Variants in GABBR2 observed in about 807,000 individuals in gnomAD.
The protein encoded by GABBR2 is G-protein coupled receptor 51.
GABBR2 carries 23 observed loss-of-function variants against 105.6 expected under a neutral mutation model. That is an observed-to-expected ratio of 0.22 (90% CI 0.16 to 0.31). GABBR2 has a LOEUF of 0.31. Ranked by LOEUF, GABBR2 falls within the 10% of genes least tolerant of loss-of-function variation. The pLI, the probability that GABBR2 is intolerant of heterozygous loss-of-function variation, is 1.00. For synonymous variants in GABBR2, 478 were observed against 499.7 expected (o/e 0.96, Z 0.58); for missense variants, 734 against 1,245.5 (o/e 0.59, Z 6.18).
chr9:98,474,468 C>T (rs921327944), intron 5 of GABBR2, among the ~76,000 whole-genome samples: 22 of 152,006 alleles, frequency 1.4e-4, no homozygotes, highest in Admixed American at 5.9e-4. Context: ...GTCATGTACC[C>T]GTAAGTAAAC....
In GABBR2 at chr9:98,454,750, G is replaced by A. The variant is rs1301976694; in HGVS notation, c.1000-533C>T. Among the ~76,000 whole-genome samples, 3 of 152,054 alleles carry A rather than the reference G, an allele frequency of 2.0e-5. No individual in the cohort carries two copies. The highest frequency in any genetic ancestry group is 7.2e-5 in the African/African-American group (3 of 41,382). On this transcript the variant is annotated intron_variant, in intron 6 of 18. Transcript: ENST00000259455. The surrounding 1 kb of genome is among the most constrained non-coding windows in gnomAD (Gnocchi z 4.6). ...GCACAGAGGGAGCTGACAGTGTGCT[G>A]CTCAGCCCACCCCTCCCCTTCCCTT...
At chr9:98,391,205 T>C (rs1348133702) in intron 9 of GABBR2, among the ~76,000 whole-genome samples, 1 of 152,076 alleles carries the variant, frequency 6.6e-6, no homozygotes, top group South Asian at 2.1e-4. Context: ...ACACTAGCCA[T>C]AGGAAAAAAG....
chr9:98,333,174 C>T (rs1316244054), intron 13 of GABBR2, among the ~76,000 whole-genome samples: 2 of 152,136 alleles, frequency 1.3e-5, no homozygotes, highest in African/African-American at 4.8e-5. Flanking sequence ...GAGGGCTAAC[C>T]TTCATCAAGT....
At chr9:98,339,284 C>CAAAAAAAAAAAAAAAAAAAAAAAAAAAAA (rs9299286) in intron 13 of GABBR2, among the ~76,000 whole-genome samples, 1 of 133,664 alleles carries the variant, frequency 7.5e-6, no homozygotes, top group Non-Finnish European at 1.7e-5. Context: ...AATTATATCT[C>CAAAAAAAAAAAAAAAAAAAAAAAAAAAAA]AAAAAAAAAA....
At chr9:98,697,903 C>G (rs1830777124) in intron 1 of GABBR2, among the ~76,000 whole-genome samples, 1 of 152,208 alleles carries the variant, frequency 6.6e-6, no homozygotes, top group Non-Finnish European at 1.5e-5. Context: ...CATGCGGGTC[C>G]CCATCTGCCA....
chr9:98,462,596 C>A (rs1588173685), intron 6 of GABBR2, among the ~76,000 whole-genome samples: 1 of 152,240 alleles, frequency 6.6e-6, no homozygotes, highest in East Asian at 1.9e-4. Flanking sequence ...TAAACTAAAA[C>A]AAGACACCAA....
At chr9:98,638,395 CA>C (rs1191123113) in intron 1 of GABBR2, among the ~76,000 whole-genome samples, 1 of 152,042 alleles carries the variant, frequency 6.6e-6, no homozygotes, top group African/African-American at 2.4e-5. Context: ...CTACCTTGTC[CA>C]AGAGGACAGA....
chr9:98,494,940 T>C (rs1289625068), intron 4 of GABBR2, among the ~76,000 whole-genome samples: 1 of 152,232 alleles, frequency 6.6e-6, no homozygotes, highest in Non-Finnish European at 1.5e-5. Flanking sequence ...GTGCCCACCA[T>C]GGGGAGATGC....
intron 13 of GABBR2, among the ~76,000 whole-genome samples, chr9:98,355,711 A>G (rs527435482): frequency 5.1e-4 from 77 of 152,362 alleles, no homozygotes; most frequent in African/African-American, 1.8e-3. Context: ...TTTTGTGGAT[A>G]TCAACAAACT....
At chr9:98,428,427 A>G (rs1445648316) in intron 7 of GABBR2, among the ~76,000 whole-genome samples, 4 of 152,214 alleles carry the variant, frequency 2.6e-5, no homozygotes, top group Non-Finnish European at 5.9e-5. Context: ...CCTGGACTCC[A>G]ATCTCTTGCC....
intron 6 of GABBR2, among the ~76,000 whole-genome samples, chr9:98,466,952 C>T (rs1202896104): frequency 6.6e-6 from 1 of 152,156 alleles, no homozygotes; most frequent in African/African-American, 2.4e-5. Context: ...CACCTTGTAC[C>T]TAATGGTCCA....
rs899078855 is a variant in GABBR2 at position 98,548,120 on chromosome 9, CT to C, written c.460-6078del. On this transcript the variant is annotated intron_variant, in intron 2 of 18. Coordinates refer to ENST00000259455, the MANE Select transcript of GABBR2 (RefSeq NM_005458.8). ...TCCTCCACTTCTTCTGAGTACTCTG[CT>C]TTTTTTCATTATTTTTGAAGTACTT... is the stretch of plus-strand genomic sequence containing the variant. 1.6e-4 allele frequency among the ~76,000 whole-genome samples: 19 copies of C among 120,104 alleles called. 3 individuals carry two copies. The highest frequency in any genetic ancestry group is 3.2e-4 in the Non-Finnish European group (17 of 53,836). 78.8% of individuals were successfully genotyped at this position (120,104 alleles called of 152,430 possible). A position where few individuals can be genotyped will look rare whatever the true frequency, so the allele number is the denominator to read the frequency against.
At chr9:98,668,788 T>C (rs753990247) in intron 1 of GABBR2, among the ~76,000 whole-genome samples, 36 of 152,198 alleles carry the variant, frequency 2.4e-4, no homozygotes, top group Non-Finnish European at 8.8e-5. Context: ...TTTTCTGTCT[T>C]CTGTATTACA....
At chr9:98,637,001 G>T (rs1460292101) in intron 1 of GABBR2, among the ~76,000 whole-genome samples, 1 of 152,134 alleles carries the variant, frequency 6.6e-6, no homozygotes, top group Non-Finnish European at 1.5e-5. Context: ...GAAACAGTTA[G>T]CTCACCCGGC....
chr9:98,392,248 C>T (rs549780994), intron 9 of GABBR2, among the ~76,000 whole-genome samples: 12 of 152,318 alleles, frequency 7.9e-5, no homozygotes, highest in African/African-American at 2.9e-4. Context: ...CCCTGCCCCA[C>T]CAAATTCGTG....
intron 1 of GABBR2, among the ~76,000 whole-genome samples, chr9:98,618,820 G>A (rs907477273): frequency 8.6e-5 from 13 of 151,904 alleles, no homozygotes. Flanking sequence ...CAGGCCCAGA[G>A]GAGAAAGTGA....
At chr9:98,374,323 G>A (rs774418207) in intron 11 of GABBR2, among the ~76,000 whole-genome samples, 11 of 152,214 alleles carry the variant, frequency 7.2e-5, no homozygotes, top group Non-Finnish European at 1.2e-4. Context: ...TCTGGAAACT[G>A]CAATATGTTG....
chr9:98,291,175 A>G (rs1830298045), intron 18 of GABBR2, among the ~76,000 whole-genome samples: 1 of 152,228 alleles, frequency 6.6e-6, no homozygotes. Flanking sequence ...CCTACCTTAA[A>G]TGTGCTCAGA....
chr9:98,313,990 G>A (rs769138894), intron 13 of GABBR2, among the ~76,000 whole-genome samples: 17 of 152,164 alleles, frequency 1.1e-4, no homozygotes, highest in Non-Finnish European at 2.2e-4. Context: ...CCTGCTGTGT[G>A]TTCTCTCAGG....
Sources: gnomAD v4.1 joint callset for allele counts (sites outside exome capture counted in the v4.1 genomes callset) on GRCh38, gnomAD v4.1.1 for gene constraint, Gnocchi (gnomAD v3.1) non-coding constraint, MANE v1.5 for transcripts, NCBI Gene and HGNC (gene_info 2026-07-23, HGNC 2026-07-21) for gene names.